The following BABAM2 variants were observed in gnomAD, a reference collection of about 807,000 sequenced individuals.
BABAM2 encodes the protein BRISC and BRCA1 A complex member 2, also known as BRISC and BRCA1-A complex member 2.
BABAM2 carries 31 observed loss-of-function variants against 54.7 expected under a neutral mutation model. That is an observed-to-expected ratio of 0.57 (90% CI 0.43 to 0.77). The LOEUF (loss-of-function observed/expected upper bound fraction) is 0.77. BABAM2 is among the 30% of genes least tolerant of loss of function. The probability of loss-of-function intolerance (pLI) is 0.00; values close to 1 mark genes in which losing one functional copy is unlikely to be tolerated. For missense variants in BABAM2, 364 were observed against 455.8 expected (o/e 0.80, Z 1.83); for synonymous variants, 167 against 162.9 (o/e 1.03, Z -0.19).
intron 5 of BABAM2, among the ~76,000 whole-genome samples, chr2:28,028,801 C>T (rs1399276283): frequency 3.9e-5 from 6 of 152,076 alleles, no homozygotes; most frequent in Admixed American, 2.6e-4. Flanking sequence ...AAGTCTCACT[C>T]TGTGGCCCAG....
chr2:28,206,174 C>T (rs975455090), intron 7 of BABAM2, among the ~76,000 whole-genome samples: 13 of 151,976 alleles, frequency 8.6e-5, no homozygotes, highest in Admixed American at 3.9e-4. Flanking sequence ...AATATAGACA[C>T]GAATCTATGT....
chr2:27,906,922 T>C (rs1212968094), intron 2 of BABAM2, among the ~76,000 whole-genome samples: 1 of 152,218 alleles, frequency 6.6e-6, no homozygotes, highest in Non-Finnish European at 1.5e-5. Flanking sequence ...TACAAAATGC[T>C]TTGAGTTTGG....
chr2:28,045,087 A>G (rs972033891), intron 5 of BABAM2, among the ~76,000 whole-genome samples: 1 of 152,184 alleles, frequency 6.6e-6, no homozygotes, highest in East Asian at 1.9e-4. Flanking sequence ...GTTTTAGCAA[A>G]TAGAAGCTAT....
intron 7 of BABAM2, among the ~76,000 whole-genome samples, chr2:28,161,686 G>A (rs759843273): frequency 6.6e-6 from 1 of 152,102 alleles, no homozygotes; most frequent in Non-Finnish European, 1.5e-5. Flanking sequence ...AAAAGGGAGC[G>A]CAAATGGGTG....
At chr2:28,201,315 T>C (rs569845941) in intron 7 of BABAM2, among the ~76,000 whole-genome samples, 242 of 152,334 alleles carry the variant, frequency 1.6e-3, no homozygotes, top group African/African-American at 5.6e-3. Context: ...TAATATCACA[T>C]AATGATTGTT....
At chr2:28,065,304 T>C (rs937149526) in intron 6 of BABAM2, among the ~76,000 whole-genome samples, 1 of 152,210 alleles carries the variant, frequency 6.6e-6, no homozygotes, top group Non-Finnish European at 1.5e-5. Context: ...TAAGTTTACA[T>C]TGAGAGTCTT....
chr2:28,229,667 C>T (rs1440776631), intron 7 of BABAM2, among the ~76,000 whole-genome samples: 2 of 151,954 alleles, frequency 1.3e-5, no homozygotes, highest in East Asian at 3.9e-4. Flanking sequence ...TCACTGCAAC[C>T]TCTGCCTCCC....
Position 28,111,284 on chromosome 2 carries a change from T to G in BABAM2, c.571-17987T>G, listed in dbSNP as rs527984456. Among the ~76,000 whole-genome samples, 4 of 152,140 alleles carry G rather than the reference T, an allele frequency of 2.6e-5. No individual in the cohort carries two copies. In the South Asian group the frequency reaches 8.3e-4, roughly 32 times the overall value. On this transcript the variant is annotated intron_variant, in intron 6 of 11. Transcript: ENST00000379624. ...GTATGAGCCATCACACCCAGCCGGC[T>G]GTTTCTATATCTTCTTTGGAGAAAT...
At chr2:28,248,201 CTTTTTCTTTTTTT>C (rs1235044648) in intron 10 of BABAM2, among the ~76,000 whole-genome samples, 1 of 25,286 alleles carries the variant, frequency 4.0e-5, no homozygotes, top group African/African-American at 8.3e-5. Context: ...TGTTTATTTT[CTTTTTCTTTTTTT>C]TTTTTTTTTT....
chr2:28,330,314 T>C (rs1690838883), intron 11 of BABAM2, among the ~76,000 whole-genome samples: 1 of 152,122 alleles, frequency 6.6e-6, no homozygotes, highest in African/African-American at 2.4e-5. Context: ...TTCAACATAG[T>C]ATTGGAAGTT....
chr2:27,940,623 C>CAGTTCGCTAACATTGGT (rs1553396114), intron 3 of BABAM2, among the ~76,000 whole-genome samples: 1 of 151,838 alleles, frequency 6.6e-6, no homozygotes, highest in African/African-American at 2.4e-5. Context: ...GTAAATCAAA[C>CAGTTCGCTAACATTGGT]AGTTTGCTAA....
At chr2:28,292,394 A>G (rs564586882) in intron 10 of BABAM2, among the ~76,000 whole-genome samples, 1 of 152,324 alleles carries the variant, frequency 6.6e-6, no homozygotes, top group East Asian at 1.9e-4. Flanking sequence ...ATATTTCTGA[A>G]ATAGATTATA....
chr2:28,321,949 A>G (rs974462334), intron 11 of BABAM2, among the ~76,000 whole-genome samples: 1 of 152,066 alleles, frequency 6.6e-6, no homozygotes, highest in Non-Finnish European at 1.5e-5. Flanking sequence ...GTTTAAAAAA[A>G]AAAAAAACTA....
chr2:28,192,517 CTTTT>C (rs58587872), intron 7 of BABAM2, among the ~76,000 whole-genome samples: 2 of 120,586 alleles, frequency 1.7e-5, no homozygotes, highest in African/African-American at 3.1e-5. Flanking sequence ...GTTTATAGCT[CTTTT>C]TTTTTTTTTT....
intron 3 of BABAM2, among the ~76,000 whole-genome samples, chr2:27,948,449 G>C (rs765954898): frequency 2.0e-5 from 3 of 152,104 alleles, no homozygotes; most frequent in Non-Finnish European, 4.4e-5. Flanking sequence ...TTAGTGCACT[G>C]ACTAGAATCT....
intron 10 of BABAM2, among the ~76,000 whole-genome samples, chr2:28,258,724 C>T (rs1405339607): frequency 5.4e-5 from 8 of 146,998 alleles, no homozygotes; most frequent in Non-Finnish European, 1.2e-4. Flanking sequence ...GTGTTCCTCC[C>T]ACTTCAGCCT....
chr2:28,002,832 A>C (rs1282979814), intron 4 of BABAM2, among the ~76,000 whole-genome samples: 4 of 152,230 alleles, frequency 2.6e-5, no homozygotes, highest in African/African-American at 9.6e-5. Flanking sequence ...TTTAAGTGAA[A>C]TAAATCCATT....
intron 1 of BABAM2, chr2:27,891,162 G>C (rs1291774354): frequency 6.6e-6 from 1 of 152,220 alleles, no homozygotes; most frequent in Non-Finnish European, 1.5e-5. Context: ...CCCCTAGAGT[G>C]GGGTGGTCAT....
chr2:28,315,766 T>A (rs912967534), intron 11 of BABAM2, among the ~76,000 whole-genome samples: 1 of 152,082 alleles, frequency 6.6e-6, no homozygotes, highest in Admixed American at 6.6e-5. Flanking sequence ...GTGCAGGGAT[T>A]ACAGGCATAA....
Sources: gnomAD v4.1 joint callset for allele counts (sites outside exome capture counted in the v4.1 genomes callset) on GRCh38, gnomAD v4.1.1 for gene constraint, MANE v1.5 for transcripts, NCBI Gene and HGNC (gene_info 2026-07-23, HGNC 2026-07-21) for gene names.